ZNF487: variants seen among roughly 807,000 people sequenced by gnomAD.
The protein encoded by ZNF487 is KRAB domain only 1.
Under a neutral mutation model 3.0 loss-of-function variants are expected in ZNF487, and 4 were observed. The ratio of observed to expected loss-of-function variants is 1.35; its 90% CI spans 0.66 to 3.08. ZNF487 has a LOEUF of 3.08. ZNF487 is among the 30% of genes most tolerant of loss of function. ZNF487 has a pLI of 0.01. For missense variants in ZNF487, 146 were observed against 98.7 expected (o/e 1.48, Z -2.03); for synonymous variants, 55 against 34.6 (o/e 1.59, Z -2.06).
At chr10:43,519,469 G>GTTTT in the ZNF487 span, among the ~76,000 whole-genome samples, 1 of 140,208 alleles carries the variant, frequency 7.1e-6, no homozygotes. Flanking sequence ...TAAAATGTAA[G>GTTTT]TTTTTTTTTT....
chr10:43,449,380 G>A (rs951348575), intron 1 of ZNF487, among the ~76,000 whole-genome samples: 55 of 152,070 alleles, frequency 3.6e-4, no homozygotes, highest in Admixed American at 1.6e-3. Context: ...ACATACACAA[G>A]TCACAGAGAA....
downstream of ZNF487, among the ~76,000 whole-genome samples, chr10:43,487,364 T>TA (rs760818198): frequency 1.1e-4 from 16 of 151,988 alleles, no homozygotes; most frequent in East Asian, 2.1e-3. Context: ...TGGTCTCGAT[T>TA]TCCTGACCTC....
At chr10:43,476,043 T>C in intron 2 of ZNF487, 64 bp from the exon 3 acceptor site, 1 of 701,444 alleles carries the variant, frequency 1.4e-6, no homozygotes, top group Non-Finnish European at 2.6e-6. Flanking sequence ...CCTATTTTTG[T>C]GCAGGCACAC....
At chr10:43,463,987 AG>A (rs1342187617) in intron 1 of ZNF487, among the ~76,000 whole-genome samples, 1 of 151,828 alleles carries the variant, frequency 6.6e-6, no homozygotes, top group African/African-American at 2.4e-5. Context: ...TATTGAAATT[AG>A]GGTAGGTAAC....
chr10:43,441,165 A>G (rs901286515), intron 1 of ZNF487, among the ~76,000 whole-genome samples: 24 of 144,126 alleles, frequency 1.7e-4, no homozygotes, highest in African/African-American at 5.9e-4. Context: ...CAGGTATTAC[A>G]GGCATGAGCC....
downstream of ZNF487, among the ~76,000 whole-genome samples, chr10:43,485,885 A>AT (rs372519924): frequency 8.6e-5 from 13 of 151,848 alleles, no homozygotes; most frequent in African/African-American, 2.2e-4. Context: ...TCAGTAAATC[A>AT]TTTTTTTTCC....
intron 3 of ZNF487, among the ~76,000 whole-genome samples, chr10:43,477,618 G>A (rs139291672): frequency 1.3e-5 from 2 of 150,920 alleles, no homozygotes; most frequent in African/African-American, 4.9e-5. Flanking sequence ...AGAAGAAAAT[G>A]GAAAAGAAAA....
At chr10:43,446,360 C>CT (rs1189426732) in intron 1 of ZNF487, among the ~76,000 whole-genome samples, 2 of 151,232 alleles carry the variant, frequency 1.3e-5, no homozygotes, top group African/African-American at 4.9e-5. Context: ...ACTTCCCAGA[C>CT]GGTGCGGCTG....
At chr10:43,459,221 TTTTC>T (rs530305853) in intron 1 of ZNF487, among the ~76,000 whole-genome samples, 16 of 151,922 alleles carry the variant, frequency 1.1e-4, no homozygotes, top group South Asian at 2.1e-4. Context: ...TATCCAGTCT[TTTTC>T]TTTCTTTCTT....
the ZNF487 span, among the ~76,000 whole-genome samples, chr10:43,517,704 C>T: frequency 1.3e-4 from 20 of 152,264 alleles, no homozygotes; most frequent in African/African-American, 2.6e-4. Context: ...AGAAGCAGGG[C>T]GCTGCAAGTT....
chr10:43,442,484 C>T (rs2132034514), intron 1 of ZNF487, among the ~76,000 whole-genome samples: 1 of 152,194 alleles, frequency 6.6e-6, no homozygotes, highest in East Asian at 1.9e-4. Flanking sequence ...CACTCTGTCA[C>T]CCAGGCTGGA....
chr10:43,507,054 C>G, the ZNF487 span, among the ~76,000 whole-genome samples: 1 of 152,196 alleles, frequency 6.6e-6, no homozygotes, highest in Non-Finnish European at 1.5e-5. Context: ...TGGCTCTCAT[C>G]TCCAACATGA....
chr10:43,439,813 G>A (rs1221479258), intron 1 of ZNF487, among the ~76,000 whole-genome samples: 1 of 152,174 alleles, frequency 6.6e-6, no homozygotes, highest in East Asian at 1.9e-4. Context: ...GACAAATATT[G>A]TATGATCCCC....
At chr10:43,490,468 G>T in the ZNF487 span, among the ~76,000 whole-genome samples, 1 of 122,148 alleles carries the variant, frequency 8.2e-6, no homozygotes, top group African/African-American at 3.1e-5. Context: ...AGTTCTTACT[G>T]TTATAGCCTG....
intron 1 of ZNF487, among the ~76,000 whole-genome samples, chr10:43,440,755 C>A (rs1042667688): frequency 5.3e-5 from 8 of 151,842 alleles, no homozygotes; most frequent in African/African-American, 1.9e-4. Flanking sequence ...CCTAGGGTAA[C>A]CACTGTCTTC....
rs575275022 is a variant in ZNF487 at position 43,456,316 on chromosome 10, G to A, written c.-94+19054G>A. On this transcript the variant is annotated intron_variant, in intron 1 of 3. Transcript: ENST00000437590. ...AAGGTAGAGGAAGCGTGGCCCACCT[G>A]AATGGGGACTTCTCACCAGAGTTTC... 2.6e-5 allele frequency among the ~76,000 whole-genome samples: 4 copies of A among 152,338 alleles called. 1 individual carries two copies. In the Middle Eastern group the frequency reaches 0.014, roughly 518 times the overall value.
At chr10:43,474,723 C>CA (rs1210004393) in intron 1 of ZNF487, among the ~76,000 whole-genome samples, 2 of 151,892 alleles carry the variant, frequency 1.3e-5, no homozygotes, top group Non-Finnish European at 2.9e-5. Flanking sequence ...GCCGGAATTA[C>CA]AGGTGCGCAC....
chr10:43,480,043 CTTTT>C (rs55737452), intron 3 of ZNF487, among the ~76,000 whole-genome samples: 9 of 48,756 alleles, frequency 1.8e-4, no homozygotes, highest in African/African-American at 4.4e-4. Flanking sequence ...TTCTTTCTTT[CTTTT>C]TCTTTCTTTC....
rs1841382381 is a variant in ZNF487 at position 43,481,979 on chromosome 10, G to T, written c.*57G>T. The T allele has an allele frequency of 3.3e-6, 2 of 598,062 alleles. No individual in the cohort carries two copies. The highest frequency in any genetic ancestry group is 3.2e-5 in the Admixed American group (1 of 31,108). 37.0% of individuals were successfully genotyped at this position (598,062 alleles called of 1,614,324 possible). A position where few individuals can be genotyped will look rare whatever the true frequency, so the allele number is the denominator to read the frequency against. ...AGACCAATATTCATTGTTCATCAGA[G>T]AACTCACATAAGGAAGAGTCACCAT... On this transcript the variant is annotated 3_prime_UTR_variant, in exon 4 of 4. Transcript: ENST00000437590.
Sources: allele counts gnomAD v4.1 joint callset (sites outside exome capture counted in the v4.1 genomes callset), GRCh38; gene constraint gnomAD v4.1.1; transcripts MANE v1.5; gene names NCBI Gene and HGNC (gene_info 2026-07-23, HGNC 2026-07-21).